The following ASPH variants were observed in gnomAD, a reference collection of about 807,000 sequenced individuals.
ASPH encodes aspartate beta-hydroxylase.
A neutral mutation model predicts 118.4 loss-of-function variants in ASPH; 100 were observed. The observed-to-expected ratio is 0.84, with a 90% CI of 0.72 to 1.00. The LOEUF (loss-of-function observed/expected upper bound fraction) is 1.00, where lower values mean the gene tolerates loss of function less well. Among genes scored for constraint, ASPH ranks in the 50% least tolerant of loss-of-function variants. The pLI, the probability that ASPH is intolerant of heterozygous loss-of-function variation, is 0.00. For synonymous variants in ASPH, 315 were observed against 325.6 expected (o/e 0.97, Z 0.35); for missense variants, 920 against 919.5 (o/e 1.00, Z -0.01).
chr8:61,634,679 C>T (rs570868825), intron 12 of ASPH, among the ~76,000 whole-genome samples: 1 of 152,224 alleles, frequency 6.6e-6, no homozygotes, highest in African/African-American at 2.4e-5. Flanking sequence ...TTGTGACTGG[C>T]TTTTAATAGG....
chr8:61,649,807 C>G (rs977315569), intron 5 of ASPH, among the ~76,000 whole-genome samples: 5 of 152,208 alleles, frequency 3.3e-5, no homozygotes, highest in Non-Finnish European at 7.3e-5. Flanking sequence ...ATGCATTTTT[C>G]ATGCTACAGA....
intron 14 of ASPH, among the ~76,000 whole-genome samples, chr8:61,598,950 T>C (rs1025389172): frequency 2.0e-5 from 3 of 151,922 alleles, no homozygotes; most frequent in Non-Finnish European, 4.4e-5. Flanking sequence ...CTTGAAGCAA[T>C]CAAAATAGAA....
At chr8:61,558,517 C>T (rs59333700) in intron 18 of ASPH, among the ~76,000 whole-genome samples, 14,807 of 152,200 alleles carry the variant, frequency 0.097, 753 homozygotes, top group Non-Finnish European at 0.12. Context: ...ACATACACTT[C>T]TACTTGTATC....
chr8:61,646,710 A>C (rs926523231), intron 6 of ASPH, 40 bp downstream of exon 6: 1 of 1,579,736 alleles, frequency 6.3e-7, no homozygotes, highest in Non-Finnish European at 8.6e-7. Flanking sequence ...GAAGTCATTG[A>C]TTATATTTTA....
chr8:61,677,328 G>A (rs1825888260), intron 3 of ASPH, among the ~76,000 whole-genome samples: 1 of 152,106 alleles, frequency 6.6e-6, no homozygotes, highest in Admixed American at 6.6e-5. Context: ...CTACCAAGCT[G>A]TATACCAAGC....
intron 3 of ASPH, chr8:61,675,592 C>T (rs1186609067): frequency 1.4e-5 from 14 of 979,684 alleles, no homozygotes; most frequent in African/African-American, 1.8e-5. Flanking sequence ...AGTAAAGAAC[C>T]ATCATTTTAT....
At chr8:61,653,806 G>A in intron 3 of ASPH, 146 bp from the exon 4 acceptor site, 1 of 805,286 alleles carries the variant, frequency 1.2e-6, no homozygotes, top group Non-Finnish European at 1.9e-6. Flanking sequence ...AAGTGAGGTA[G>A]GAAAACAGTT....
rs1010326440 is a variant in ASPH, at chr8:61,532,314, T to C, written c.1765-6202A>G. Among the ~76,000 whole-genome samples the C allele has an allele frequency of 2.6e-5, 4 of 152,310 alleles. No homozygotes were observed. In the East Asian group the frequency reaches 7.7e-4, roughly 29 times the overall value. ...GTTGAGCACATTTTCATATACCTGT[T>C]GGCCATTTGCAGGTCTTTGAAAAAA... On this transcript the variant is annotated intron_variant, in intron 21 of 24. Coordinates refer to ENST00000379454, the MANE Select transcript of ASPH (RefSeq NM_004318.4).
At chr8:61,639,828 T>C (rs1183341200) in intron 10 of ASPH, among the ~76,000 whole-genome samples, 1 of 152,184 alleles carries the variant, frequency 6.6e-6, no homozygotes, top group African/African-American at 2.4e-5. Context: ...TGCCCCGTGC[T>C]TGACTCCAGT....
chr8:61,702,079 A>G (rs1835356933), intron 1 of ASPH, among the ~76,000 whole-genome samples: 1 of 152,190 alleles, frequency 6.6e-6, no homozygotes, highest in African/African-American at 2.4e-5. Flanking sequence ...AAAACGTTTT[A>G]GAAAATATAA....
At chr8:61,618,655 GC>G (rs2150491879) in intron 14 of ASPH, among the ~76,000 whole-genome samples, 1 of 152,286 alleles carries the variant, frequency 6.6e-6, no homozygotes, top group South Asian at 2.1e-4. Context: ...TGGAAACACA[GC>G]CTTCAGAAGT....
intron 1 of ASPH, among the ~76,000 whole-genome samples, chr8:61,695,699 A>C (rs969006438): frequency 1.1e-4 from 17 of 152,360 alleles, no homozygotes; most frequent in South Asian, 1.0e-3. Flanking sequence ...TGTAAGTTTC[A>C]TGCAACAAGG....
chr8:61,560,017 G>T (rs59326257), intron 18 of ASPH, among the ~76,000 whole-genome samples: 65 of 152,326 alleles, frequency 4.3e-4, no homozygotes, highest in African/African-American at 1.5e-3. Context: ...TGGTTACAAA[G>T]GGAAGGGATT....
At chr8:61,664,526 A>T (rs1818502429) in intron 3 of ASPH, 2 of 985,088 alleles carry the variant, frequency 2.0e-6, no homozygotes, top group Non-Finnish European at 2.4e-6. Flanking sequence ...AGCACTAAGT[A>T]TGTACTGGAT....
chr8:61,603,985 G>A (rs1452478262), intron 14 of ASPH, among the ~76,000 whole-genome samples: 1 of 152,208 alleles, frequency 6.6e-6, no homozygotes, highest in African/African-American at 2.4e-5. Flanking sequence ...TGTGAAAAAG[G>A]TATGTTCAGG....
intron 24 of ASPH, among the ~76,000 whole-genome samples, chr8:61,510,855 A>G (rs1808569303): frequency 6.6e-6 from 1 of 152,226 alleles, no homozygotes; most frequent in Non-Finnish European, 1.5e-5. Flanking sequence ...ACCTGTGGAT[A>G]AGGTCACACT....
At chr8:61,665,713 G>C (rs1257859147) in intron 3 of ASPH, 1 of 1,161,362 alleles carries the variant, frequency 8.6e-7, no homozygotes, top group Non-Finnish European at 1.2e-6. Flanking sequence ...TCCACACACA[G>C]GAAATGCACA....
intron 1 of ASPH, among the ~76,000 whole-genome samples, chr8:61,711,280 A>G (rs1224151200): frequency 6.6e-6 from 1 of 152,182 alleles, no homozygotes; most frequent in Non-Finnish European, 1.5e-5. Context: ...AAACAAACAG[A>G]AAACATTACA....
chr8:61,571,533 C>G (rs774606183), intron 16 of ASPH, among the ~76,000 whole-genome samples: 1 of 151,800 alleles, frequency 6.6e-6, no homozygotes. Context: ...TATATTGTAT[C>G]ATTTTTATTC....
Sources: allele counts gnomAD v4.1 joint callset (sites outside exome capture counted in the v4.1 genomes callset), GRCh38; gene constraint gnomAD v4.1.1; transcripts MANE v1.5; gene names NCBI Gene and HGNC (gene_info 2026-07-23, HGNC 2026-07-21).